SLBP: variants seen among roughly 807,000 people sequenced by gnomAD.
SLBP encodes the protein histone RNA hairpin-binding protein.
Under a neutral mutation model 39.2 loss-of-function variants are expected in SLBP, and 29 were observed. That is an observed-to-expected ratio of 0.74 (90% CI 0.55 to 1.01). The LOEUF (loss-of-function observed/expected upper bound fraction) is 1.01. SLBP is among the 50% of genes least tolerant of loss of function. The probability of loss-of-function intolerance (pLI) is 0.00; values close to 1 mark genes in which losing one functional copy is unlikely to be tolerated. For synonymous variants in SLBP, 129 were observed against 118.7 expected, an observed-to-expected ratio of 1.09 and a Z score of -0.57; for missense variants, 390 against 350.2, an observed-to-expected ratio of 1.11 and a Z score of -0.91.
At chr4:1,694,981 G>C in intron 6 of SLBP, 141 bp from the exon 7 acceptor site, 1 of 660,424 alleles carries the variant, frequency 1.5e-6, no homozygotes, top group Non-Finnish European at 2.8e-6. Flanking sequence ...TCAGCTTTCA[G>C]TGACTATTTG....
intron 6 of SLBP, among the ~76,000 whole-genome samples, chr4:1,695,206 T>C (rs1489016031): frequency 1.3e-5 from 2 of 152,218 alleles, no homozygotes; most frequent in Non-Finnish European, 2.9e-5. Flanking sequence ...GGGACAATGG[T>C]GTCACACTGG....
At position 1,709,541 on chromosome 4, in the gene SLBP, T is replaced by C. The variant is rs139374066; in HGVS notation, c.176+2333A>G. On this transcript the variant is annotated intron_variant, in intron 2 of 7. Coordinates refer to ENST00000489418, the MANE Select transcript of SLBP (RefSeq NM_006527.4). ...ATATGCTGTTTGAGCACAAAGGAGA[T>C]TCATTGAAACCGCTATAATTACGCC... Among the ~76,000 whole-genome samples the C allele has an allele frequency of 2.4e-4, 37 of 152,258 alleles. 1 individual carries two copies. In the East Asian group the frequency reaches 6.7e-3, roughly 28 times the overall value.
chr4:1,710,190 A>G (rs1288657560), intron 2 of SLBP, among the ~76,000 whole-genome samples: 1 of 152,190 alleles, frequency 6.6e-6, no homozygotes, highest in Non-Finnish European at 1.5e-5. Context: ...CCTAGACCCA[A>G]GTCTCTAAAT....
At chr4:1,709,542 T>C (rs944216450) in intron 2 of SLBP, among the ~76,000 whole-genome samples, 23 of 152,252 alleles carry the variant, frequency 1.5e-4, no homozygotes, top group African/African-American at 5.1e-4. Flanking sequence ...CAAAGGAGAT[T>C]CATTGAAACC....
At chr4:1,697,087 G>A (rs1217777238) in intron 5 of SLBP, among the ~76,000 whole-genome samples, 1 of 149,356 alleles carries the variant, frequency 6.7e-6, no homozygotes, top group Admixed American at 6.8e-5. Flanking sequence ...GAACCTGGGA[G>A]GCGATGGTTG....
intron 2 of SLBP, among the ~76,000 whole-genome samples, chr4:1,708,494 T>A (rs1388409671): frequency 6.6e-6 from 1 of 152,186 alleles, no homozygotes; most frequent in Non-Finnish European, 1.5e-5. Context: ...TAACTGAAAA[T>A]TAAATTGACT....
At chr4:1,698,440 T>C (rs1221426551) in intron 5 of SLBP, among the ~76,000 whole-genome samples, 2 of 150,928 alleles carry the variant, frequency 1.3e-5, no homozygotes, top group Non-Finnish European at 3.0e-5. Flanking sequence ...CATTGAATCT[T>C]ACTATTCCTT....
At chr4:1,704,926 C>CT (rs111864211) in intron 2 of SLBP, among the ~76,000 whole-genome samples, 2,345 of 146,908 alleles carry the variant, frequency 0.016, 54 homozygotes, top group African/African-American at 0.054. Context: ...CTGACCCATT[C>CT]TTTTTTTTTT....
At chr4:1,693,738 T>G (rs754000416) in intron 7 of SLBP, 25 bp from the exon 8 acceptor site, 1 of 1,473,298 alleles carries the variant, frequency 6.8e-7, no homozygotes, top group African/African-American at 1.4e-5. Flanking sequence ...CATGGCTCGG[T>G]TGACATTCAT....
At chr4:1,709,785 G>A (rs1371846278) in intron 2 of SLBP, among the ~76,000 whole-genome samples, 2 of 152,166 alleles carry the variant, frequency 1.3e-5, no homozygotes, top group East Asian at 3.9e-4. Flanking sequence ...CTAATTTTTT[G>A]TATTTTTAGT....
chr4:1,693,863 T>C (rs888499867), intron 7 of SLBP, 150 bp from the exon 8 acceptor site: 30 of 628,112 alleles, frequency 4.8e-5, no homozygotes, highest in South Asian at 4.5e-4. Flanking sequence ...ATTTTAATAA[T>C]AACACTGCAA....
At chr4:1,696,469 A>C in intron 5 of SLBP, 118 bp from the exon 6 acceptor site, 3 of 827,256 alleles carry the variant, frequency 3.6e-6, no homozygotes, top group Non-Finnish European at 5.3e-6. Context: ...ATCACCAGGC[A>C]TGGTGGCTCA....
At position 1,697,979 on chromosome 4, in the gene SLBP, T is replaced by TA. The variant is rs1716178323; in HGVS notation, c.479+1584dup. Among the ~76,000 whole-genome samples, 4 of 151,694 alleles carry TA rather than the reference T, an allele frequency of 2.6e-5. No individual in the cohort carries two copies. The South Asian group carries it at 8.3e-4, about 32-fold the overall frequency. ...CCATCTCTATAAAAATTTAAAAGTTTAGCCAGGTGTGGCGGCATGCACCGC... is the reference window on the plus strand; with the variant it reads ...CCATCTCTATAAAAATTTAAAAGTTTAAGCCAGGTGTGGCGGCATGCACCGC... On this transcript the variant is annotated intron_variant, in intron 5 of 7. Transcript: ENST00000489418.
chr4:1,703,766 A>G, intron 2 of SLBP, 66 bp from the exon 3 acceptor site: 3 of 1,145,314 alleles, frequency 2.6e-6, no homozygotes, highest in South Asian at 2.4e-5. Flanking sequence ...ACTGTATGTC[A>G]AGAAATATTC....
intron 2 of SLBP, among the ~76,000 whole-genome samples, chr4:1,709,765 C>G (rs1440282653): frequency 6.6e-6 from 1 of 152,174 alleles, no homozygotes; most frequent in Non-Finnish European, 1.5e-5. Flanking sequence ...GCGCCCGCTA[C>G]CACGCCCGGC....
chr4:1,693,509 G>A lies in SLBP; in HGVS notation c.*88C>T. 1.3e-6 allele frequency: 1 copy of A among 775,346 alleles called. No individual in the cohort carries two copies. The highest frequency in any genetic ancestry group is 2.3e-6 in the Non-Finnish European group (1 of 433,024). The allele number at this position is 775,346 out of a possible 1,614,324, so 48.0% of individuals were successfully genotyped here. The stretch of plus-strand genomic sequence containing the variant: ...GGACTGCTAACAGAGAAACCACCAG[G>A]TACAAGTGCACACACATGCTTGGTG... On this transcript the variant is annotated 3_prime_UTR_variant, in exon 8 of 8. Transcript: ENST00000489418.
intron 6 of SLBP, among the ~76,000 whole-genome samples, chr4:1,695,637 T>C (rs1445187917): frequency 1.3e-5 from 2 of 151,938 alleles, no homozygotes; most frequent in African/African-American, 4.8e-5. Context: ...AAAAAATAGC[T>C]GGGCGTGGTG....
In SLBP at chr4:1,693,516, T is replaced by A; in HGVS notation, c.*81A>T. The A allele has an allele frequency of 1.2e-6, 1 of 805,674 alleles. No individual in the cohort carries two copies. Among genetic ancestry groups the A allele is most frequent in the East Asian group, 2.4e-5 (1 of 41,332 alleles). 49.9% of individuals were successfully genotyped at this position (805,674 alleles called of 1,614,324 possible). ...TAACAGAGAAACCACCAGGTACAAGTGCACACACATGCTTGGTGCCTGGCC... is the reference window on the plus strand; with the variant it reads ...TAACAGAGAAACCACCAGGTACAAGAGCACACACATGCTTGGTGCCTGGCC... On this transcript the variant is annotated 3_prime_UTR_variant, in exon 8 of 8. Transcript: ENST00000489418.
intron 2 of SLBP, 46 bp from the exon 3 acceptor site, chr4:1,703,746 T>C (rs771288881): frequency 1.4e-5 from 18 of 1,302,188 alleles, no homozygotes; most frequent in Non-Finnish European, 2.0e-5. Flanking sequence ...CATACTTTGT[T>C]TTCTTTCAAA....
Sources: allele counts gnomAD v4.1 joint callset (sites outside exome capture counted in the v4.1 genomes callset), GRCh38; gene constraint gnomAD v4.1.1; transcripts MANE v1.5; gene names NCBI Gene and HGNC (gene_info 2026-07-23, HGNC 2026-07-21).